The following ZNF460 variants were observed in gnomAD, a reference collection of about 807,000 sequenced individuals.
The protein encoded by ZNF460 is zinc finger protein 460.
ZNF460 carries 1 observed loss-of-function variant against 8.4 expected under a neutral mutation model. The observed-to-expected ratio is 0.12, with a 90% CI of 0.04 to 0.56. ZNF460 has a LOEUF of 0.56. Ranked by LOEUF, ZNF460 falls within the 20% of genes least tolerant of loss-of-function variation. ZNF460 has a pLI of 0.91. For synonymous variants in ZNF460, 262 were observed against 259.9 expected, an observed-to-expected ratio of 1.01 and a Z score of -0.08; for missense variants, 477 against 714.8, an observed-to-expected ratio of 0.67 and a Z score of 3.79.
intron 2 of ZNF460, 30 bp downstream of exon 2, chr19:57,284,707 A>G (rs2087866684): frequency 2.6e-6 from 4 of 1,547,646 alleles, no homozygotes; most frequent in Admixed American, 3.9e-5. Flanking sequence ...CTCCAAAATC[A>G]GGGGCACCAG....
At position 57,291,360 on chromosome 19, in the gene ZNF460, T is replaced by C; in HGVS notation, c.819T>C (p.Val273=). 1.2e-6 allele frequency: 2 copies of C among 1,613,766 alleles called. No individual in the cohort carries two copies. The highest frequency in any genetic ancestry group is 2.2e-5 in the South Asian group (2 of 91,052). The change falls in exon 3 of 3, where the codon GTT becomes GTC. Residue 273 remains valine (V), a synonymous_variant. Coordinates refer to ENST00000360338, the MANE Select transcript of ZNF460 (RefSeq NM_006635.4). This position sits in a 1 kb window ranked among gnomAD's most constrained non-coding sequence, Gnocchi z 8.4. ...CGCACCTTACACGGCACCAGCGGGTTCACAGTGGAGAGAAGCCTTTTGTGT... is the reference window on the plus strand; with the variant it reads ...CGCACCTTACACGGCACCAGCGGGTCCACAGTGGAGAGAAGCCTTTTGTGT... ...RGSHLTRHQR[V]HSGEKPFVCN... is the part of the protein sequence containing the mutation.
At chr19:57,284,428 T>G in intron 1 of ZNF460, 123 bp from the exon 2 acceptor site, 1 of 1,242,536 alleles carries the variant, frequency 8.0e-7, no homozygotes, top group Non-Finnish European at 1.1e-6. Context: ...TCTTGGCCCT[T>G]TGGAGGTGCT....
At position 57,281,684 on chromosome 19, in the gene ZNF460, G is replaced by C. The variant is rs1287773705; in HGVS notation, c.30+848G>C. Among the ~76,000 whole-genome samples the C allele has an allele frequency of 4.1e-5, 6 of 147,192 alleles. No homozygotes were observed. The East Asian group carries it at 1.2e-3, about 30-fold the overall frequency. The stretch of plus-strand genomic sequence containing the variant: ...GGGTTCAAGCGATTCTCCTGCCTCA[G>C]CCTCCTGAGTAGCTGGGACTACAGG... On this transcript the variant is annotated intron_variant, in intron 1 of 2. Transcript: ENST00000360338.
At position 57,293,970 on chromosome 19, in the gene ZNF460, G is replaced by A. The variant is rs1465734696; in HGVS notation, c.*1740G>A. The A allele has an allele frequency of 2.6e-5, 4 of 152,030 alleles. No homozygotes were observed. The highest frequency in any genetic ancestry group is 2.6e-4 in the Admixed American group (4 of 15,260). The allele number at this position is 152,030 out of a possible 1,614,324, so 9.4% of individuals were successfully genotyped here. A position where few individuals can be genotyped will look rare whatever the true frequency, so the allele number is the denominator to read the frequency against. Reference sequence around the variant, plus strand: ...GTATTCCATTGTGTATATATGCCATGTTTTCTTTCTTCATTCATCTGATAA... The same window carrying A: ...GTATTCCATTGTGTATATATGCCATATTTTCTTTCTTCATTCATCTGATAA... On this transcript the variant is annotated 3_prime_UTR_variant, in exon 3 of 3. Coordinates refer to ENST00000360338, the MANE Select transcript of ZNF460 (RefSeq NM_006635.4).
chr19:57,292,391 C>CAA lies in ZNF460; in HGVS notation c.*161_*162insAA. ...AAGAGAAACTCCATAAGTATCATCT[C>CAA]TGTGGGAAAACCTGTTTTAGATCAT... On this transcript the variant is annotated 3_prime_UTR_variant, in exon 3 of 3. Coordinates refer to ENST00000360338, the MANE Select transcript of ZNF460 (RefSeq NM_006635.4). 1.3e-6 allele frequency: 1 copy of CAA among 744,004 alleles called. No individual in the cohort carries two copies. The highest frequency in any genetic ancestry group is 2.2e-6 in the Non-Finnish European group (1 of 460,016). The allele number at this position is 744,004 out of a possible 1,614,324, so 46.1% of individuals were successfully genotyped here.
intron 1 of ZNF460, among the ~76,000 whole-genome samples, chr19:57,282,943 A>G (rs2087850104): frequency 1.3e-5 from 2 of 151,812 alleles, no homozygotes; most frequent in Non-Finnish European, 2.9e-5. Flanking sequence ...GTGAGCCGAC[A>G]TTGTGCCACT....
chr19:57,281,732 A>T (rs2087841940), intron 1 of ZNF460, among the ~76,000 whole-genome samples: 1 of 151,594 alleles, frequency 6.6e-6, no homozygotes, highest in Admixed American at 6.6e-5. Flanking sequence ...CGCCTGGCTA[A>T]TTTTTGTATT....
rs1289549887 is a variant in ZNF460 at position 57,280,735 on chromosome 19, C to A, written c.-72C>A. 1.3e-6 allele frequency: 2 copies of A among 1,597,194 alleles called. No individual in the cohort carries two copies. Among genetic ancestry groups the A allele is most frequent in the African/African-American group, 1.3e-5 (1 of 74,612 alleles). Reference sequence around the variant, plus strand: ...CGGGGGAAAACTGAGGCTCGGAGTGCGAAAGTCAGCCGAGGTCGCCCCGCC... The same window carrying A: ...CGGGGGAAAACTGAGGCTCGGAGTGAGAAAGTCAGCCGAGGTCGCCCCGCC... On this transcript the variant is annotated 5_prime_UTR_variant, in exon 1 of 3. Coordinates refer to ENST00000360338, the MANE Select transcript of ZNF460 (RefSeq NM_006635.4).
chr19:57,284,485 G>A, intron 1 of ZNF460, 66 bp from the exon 2 acceptor site: 2 of 1,568,896 alleles, frequency 1.3e-6, no homozygotes, highest in Non-Finnish European at 1.7e-6. Flanking sequence ...CAGTGCTGGA[G>A]TGACAGGTTC....
Position 57,291,678 on chromosome 19 carries a change from T to C in ZNF460, c.1137T>C (p.Tyr379=). ...CGKAFTHYST[Y]VLHERAHTGE... is the part of the protein sequence containing the mutation. ...AGGCCTTCACTCACTATTCCACCTA[T>C]GTCCTGCATGAAAGAGCCCACACTG... Residue 379 remains tyrosine, a synonymous_variant, in exon 3 of 3, where the codon TAT becomes TAC. Transcript: ENST00000360338. This position sits in a 1 kb window ranked among gnomAD's most constrained non-coding sequence, Gnocchi z 8.4. 1 of 1,614,062 alleles carries C rather than the reference T, an allele frequency of 6.2e-7. No individual in the cohort carries two copies. The highest frequency in any genetic ancestry group is 2.2e-5 in the East Asian group (1 of 44,840).
In ZNF460 at chr19:57,280,794, CG is replaced by C; in HGVS notation, c.-11del. 7 of 1,614,010 alleles carry C rather than the reference CG, an allele frequency of 4.3e-6. No individual in the cohort carries two copies. Among genetic ancestry groups the C allele is most frequent in the Non-Finnish European group, 5.9e-6 (7 of 1,179,980 alleles). ...AGAAGGGCTGTGGTCGGCTGATCCG[CG>C]GCATTCCCGGGATGGCGGCGGCGTG... is the stretch of plus-strand genomic sequence containing the variant. On this transcript the variant is annotated 5_prime_UTR_variant, in exon 1 of 3. Transcript: ENST00000360338.
In ZNF460 at chr19:57,291,006, A is replaced by C; in HGVS notation, c.465A>C (p.Ser155=). The C allele has an allele frequency of 6.2e-7, 1 of 1,614,222 alleles. No homozygotes were observed. Among genetic ancestry groups the C allele is most frequent in the Non-Finnish European group, 8.5e-7 (1 of 1,180,036 alleles). The part of the protein sequence containing the change: ...SPEDALYGFD[S]YGPVTDSLIH... Reference sequence around the variant, plus strand: ...AAGATGCTCTCTATGGATTTGACTCATATGGACCAGTTACAGATTCCTTGA... The same window carrying C: ...AAGATGCTCTCTATGGATTTGACTCCTATGGACCAGTTACAGATTCCTTGA... The change falls in exon 3 of 3, where the codon TCA becomes TCC. Residue 155 remains serine, a synonymous_variant. Transcript: ENST00000360338. This position sits in a 1 kb window ranked among gnomAD's most constrained non-coding sequence, Gnocchi z 8.4.
chr19:57,288,655 A>T (rs1203452810), intron 2 of ZNF460, among the ~76,000 whole-genome samples: 1 of 152,190 alleles, frequency 6.6e-6, no homozygotes, highest in Non-Finnish European at 1.5e-5. Flanking sequence ...CTGACTCCAG[A>T]GCTACACTCT....
At chr19:57,282,191 C>A (rs1040283943) in intron 1 of ZNF460, among the ~76,000 whole-genome samples, 23 of 152,102 alleles carry the variant, frequency 1.5e-4, no homozygotes, top group Admixed American at 1.1e-3. Context: ...GTGTGGCTTC[C>A]ACGGTGGTTT....
intron 1 of ZNF460, among the ~76,000 whole-genome samples, chr19:57,282,292 A>T (rs2087846211): frequency 1.3e-5 from 2 of 152,170 alleles, no homozygotes; most frequent in African/African-American, 4.8e-5. Context: ...CCTCCTACTC[A>T]GCCAGGATAG....
Position 57,290,788 on chromosome 19 carries a change from G to A in ZNF460, c.247G>A (p.Gly83Arg). ...EVSLQEQLAQ[G>R]VPRYSYLGQA... ...CTCACTCCAGGAACAGCTGGCACAG[G>A]GAGTCCCAAGATACTCCTATTTGGG... Residue 83 changes from glycine (G) to arginine (R), a missense_variant, in exon 3 of 3, where the codon GGA becomes AGA. Physicochemically the swap from Gly to Arg is moderately radical, Grantham distance 125. Around this residue, in one of 5 missense-constraint regions of ZNF460, gnomAD observed 169 missense variants for 178.6 expected, o/e 0.95. Coordinates refer to ENST00000360338, the MANE Select transcript of ZNF460 (RefSeq NM_006635.4). 6.2e-7 allele frequency: 1 copy of A among 1,614,146 alleles called. No homozygotes were observed. The highest frequency in any genetic ancestry group is 1.1e-5 in the South Asian group (1 of 91,082).
chr19:57,289,509 C>T (rs2087901298), intron 2 of ZNF460, among the ~76,000 whole-genome samples: 1 of 152,172 alleles, frequency 6.6e-6, no homozygotes, highest in Non-Finnish European at 1.5e-5. Flanking sequence ...TTGACCTCTT[C>T]CTGTCCCTGC....
At chr19:57,290,165 A>G (rs12609487) in intron 2 of ZNF460, among the ~76,000 whole-genome samples, 33,510 of 151,962 alleles carry the variant, frequency 0.22, 4,252 homozygotes, top group Admixed American at 0.26. Flanking sequence ...AAAAAAGCCA[A>G]GCGTGGTAGC....
intron 2 of ZNF460, among the ~76,000 whole-genome samples, chr19:57,289,380 C>T (rs778716530): frequency 2.5e-4 from 38 of 152,138 alleles, no homozygotes; most frequent in Non-Finnish European, 1.6e-4. Context: ...GGGGCTGCCT[C>T]CTCTCACTGC....
Sources: allele counts gnomAD v4.1 joint callset (sites outside exome capture counted in the v4.1 genomes callset), GRCh38; gene constraint gnomAD v4.1.1; regional missense constraint gnomAD v4.1.1; non-coding constraint Gnocchi (gnomAD v3.1); transcripts MANE v1.5; gene names NCBI Gene and HGNC (gene_info 2026-07-23, HGNC 2026-07-21).